Variants in ZNF629 observed in about 807,000 individuals in gnomAD.
ZNF629 encodes zinc finger protein 629.
A neutral mutation model predicts 59.7 loss-of-function variants in ZNF629; 9 were observed. That is an observed-to-expected ratio of 0.15 (90% CI 0.09 to 0.26). The LOEUF (loss-of-function observed/expected upper bound fraction) is 0.26, where lower values mean the gene tolerates loss of function less well. ZNF629 is among the 10% of genes least tolerant of loss of function. The pLI is 1.00. For missense variants in ZNF629, 853 were observed against 1,165.4 expected, an observed-to-expected ratio of 0.73 and a Z score of 3.90; for synonymous variants, 509 against 498.9, an observed-to-expected ratio of 1.02 and a Z score of -0.27.
Position 30,786,472 on chromosome 16 carries a change from G to C in ZNF629, c.-34+556C>G, listed in dbSNP as rs2054332946. Among the ~76,000 whole-genome samples the C allele has an allele frequency of 6.6e-6, 1 of 152,200 alleles. No homozygotes were observed. The highest frequency in any genetic ancestry group is 6.5e-5 in the Admixed American group (1 of 15,286). On this transcript the variant is annotated intron_variant, in intron 1 of 2. Transcript: ENST00000262525. This position sits in a 1 kb window ranked among gnomAD's most constrained non-coding sequence, Gnocchi z 4.8. Reference sequence around the variant, plus strand: ...AGACCGAGGGAGGCCGAGGCGCTGGGAGCCCAGGCGCCAGGCACGCCAGCC... The same window carrying C: ...AGACCGAGGGAGGCCGAGGCGCTGGCAGCCCAGGCGCCAGGCACGCCAGCC...
rs890443704 is a variant in ZNF629 at position 30,786,916 on chromosome 16, G to T, written c.-34+112C>A. On this transcript the variant is annotated intron_variant, in intron 1 of 2. Transcript: ENST00000262525. The surrounding 1 kb of genome is among the most constrained non-coding windows in gnomAD (Gnocchi z 4.8). Reference sequence around the variant, plus strand: ...CCCGGCCACAGCCCCGGGCGCGGGTGGGGGGCTCAGGCCCGGGCTCCCGGC... The same window carrying T: ...CCCGGCCACAGCCCCGGGCGCGGGTTGGGGGCTCAGGCCCGGGCTCCCGGC... 3 of 151,806 alleles carry T rather than the reference G, an allele frequency of 2.0e-5. No homozygotes were observed. Among genetic ancestry groups the T allele is most frequent in the Non-Finnish European group, 2.9e-5 (2 of 67,882 alleles). 9.4% of individuals were successfully genotyped at this position (151,806 alleles called of 1,614,324 possible).
rs529631442 is a variant in ZNF629 at position 30,787,148 on chromosome 16, T to C, written c.-154A>G. 6.5e-6 allele frequency: 1 copy of C among 152,874 alleles called. No homozygotes were observed. The highest frequency in any genetic ancestry group is 1.5e-5 in the Non-Finnish European group (1 of 68,196). 9.5% of individuals were successfully genotyped at this position (152,874 alleles called of 1,614,324 possible). A position where few individuals can be genotyped will look rare whatever the true frequency, so the allele number is the denominator to read the frequency against. On this transcript the variant is annotated 5_prime_UTR_variant, in exon 1 of 3. Coordinates refer to ENST00000262525, the MANE Select transcript of ZNF629 (RefSeq NM_001080417.3). Reference sequence around the variant, plus strand: ...GGACTCTGGGGTCCTTCTCAAGGGGTGATTCCAGGCTGAGGACCCGGGGAC... The same window carrying C: ...GGACTCTGGGGTCCTTCTCAAGGGGCGATTCCAGGCTGAGGACCCGGGGAC...
chr16:30,784,226 G>C lies in ZNF629; in HGVS notation c.102C>G (p.Ser34Arg), dbSNP rs1268550604. 5.6e-6 allele frequency: 9 copies of C among 1,605,264 alleles called. No homozygotes were observed. The highest frequency in any genetic ancestry group is 6.8e-6 in the Non-Finnish European group (8 of 1,178,146). ...CCTCCCCAGAACTTTCCTGCCGAGG[G>C]CTCTCCTCTTCGTTTTCACTCTCGG... ...RGAESENEEE[S>R]PRQESSGEEI... Residue 34 changes from serine to arginine, a missense_variant, in exon 3 of 3, where the codon AGC (serine) becomes AGG (arginine). Around this residue, in one of 3 missense-constraint regions of ZNF629, gnomAD observed 232 missense variants for 193.4 expected, o/e 1.20. Transcript: ENST00000262525.
intron 1 of ZNF629, among the ~76,000 whole-genome samples, chr16:30,785,880 A>AAATAAATAAATG (rs1376703116): frequency 6.6e-6 from 1 of 151,560 alleles, no homozygotes; most frequent in African/African-American, 2.4e-5. Flanking sequence ...ATAAATAAAT[A>AAATAAATAAATG]AATAAATAAA....
At chr16:30,784,794 G>T (rs2054318035) in intron 1 of ZNF629, among the ~76,000 whole-genome samples, 1 of 152,140 alleles carries the variant, frequency 6.6e-6, no homozygotes, top group African/African-American at 2.4e-5. Context: ...CCCAGGATGG[G>T]GGCTGGAGCG....
Position 30,782,892 on chromosome 16 carries a change from G to A in ZNF629, c.1436C>T (p.Thr479Met). The A allele has an allele frequency of 6.2e-7, 1 of 1,613,892 alleles. No individual in the cohort carries two copies. The highest frequency in any genetic ancestry group is 8.5e-7 in the Non-Finnish European group (1 of 1,179,930). ...CTTGTAGGGCTTCTCGCCGGTGTGC[G>A]TGCGGCGGTGCTGGATAAGGTGGGA... is the stretch of plus-strand genomic sequence containing the variant. The part of the protein sequence containing the change: ...RSSHLIQHRR[T>M]HTGEKPYKCP... The change falls in exon 3 of 3, where the codon ACG (threonine) becomes ATG (methionine). Residue 479 changes from threonine to methionine, a missense_variant. This residue lies in a region of ZNF629 where 201 missense variants were observed against 536.5 expected (regional missense o/e 0.37). Coordinates refer to ENST00000262525, the MANE Select transcript of ZNF629 (RefSeq NM_001080417.3).
At position 30,782,113 on chromosome 16, in the gene ZNF629, C is replaced by T. The variant is rs569167327; in HGVS notation, c.2215G>A (p.Gly739Arg). ...TCTGGACTCTTCTGGGAGCTCTTCC[C>T]GCCTGCATGGACTTTCTGGTGCAGC... ...LLLHQKVHAG[G>R]KSSQKSPELG... Residue 739 changes from glycine to arginine, a missense_variant, in exon 3 of 3, where the codon GGG (glycine) becomes AGG (arginine). This residue lies in a region of ZNF629 where 420 missense variants were observed against 435.6 expected (regional missense o/e 0.96). Transcript: ENST00000262525. 3.7e-6 allele frequency: 6 copies of T among 1,607,458 alleles called. No homozygotes were observed. The African/African-American group carries it at 5.4e-5, about 14-fold the overall frequency.
rs757045356 is a variant in ZNF629, at chr16:30,782,807, C to A, written c.1521G>T (p.Thr507=). ...QSSNLITHVR[T]HMDENLFVCS... ...ACACGAACAGGTTCTCGTCCATGTG[C>A]GTGCGGACGTGGGTAATAAGGTTGG... The change falls in exon 3 of 3, where the codon ACG becomes ACT. Residue 507 remains threonine, a synonymous_variant. Coordinates refer to ENST00000262525, the MANE Select transcript of ZNF629 (RefSeq NM_001080417.3). The A allele has an allele frequency of 1.2e-6, 2 of 1,614,036 alleles. No homozygotes were observed. The highest frequency in any genetic ancestry group is 1.1e-5 in the South Asian group (1 of 91,084).
In ZNF629 at chr16:30,783,161, C is replaced by T; in HGVS notation, c.1167G>A (p.Leu389=). ...CGKTFTLSAT[L]LRHQRTHTGE... ...CCGTGTGCGTGCGCTGGTGCCGCAGCAACGTGGCGCTCAGGGTGAAGGTCT... is the reference window on the plus strand; with the variant it reads ...CCGTGTGCGTGCGCTGGTGCCGCAGTAACGTGGCGCTCAGGGTGAAGGTCT... The change falls in exon 3 of 3, where the codon TTG becomes TTA. Residue 389 remains leucine (L), a synonymous_variant. Transcript: ENST00000262525. 6.2e-7 allele frequency: 1 copy of T among 1,612,552 alleles called. No homozygotes were observed. Among genetic ancestry groups the T allele is most frequent in the Non-Finnish European group, 8.5e-7 (1 of 1,179,554 alleles).
At position 30,783,974 on chromosome 16, in the gene ZNF629, A is replaced by C. The variant is rs200239787; in HGVS notation, c.354T>G (p.Ala118=). The C allele has an allele frequency of 8.1e-4, 1,282 of 1,579,536 alleles. 6 individuals are homozygous for C. The African/African-American group carries it at 0.015, about 19-fold the overall frequency. ...KACEASWQWG[A]LTTWNSPPVV... is the part of the protein sequence containing the mutation. The stretch of plus-strand genomic sequence containing the variant: ...CTGGGGGGCTGTTCCATGTGGTGAG[A>C]GCGCCCCACTGCCAGCTGGCCTCGC... The change falls in exon 3 of 3, where the codon GCT becomes GCG. Residue 118 remains alanine, a synonymous_variant. Coordinates refer to ENST00000262525, the MANE Select transcript of ZNF629 (RefSeq NM_001080417.3).
rs1158444061 is a variant in ZNF629 at position 30,784,267 on chromosome 16, A to G, written c.74-13T>C. 2.5e-6 allele frequency: 4 copies of G among 1,588,640 alleles called. No homozygotes were observed. Among genetic ancestry groups the G allele is most frequent in the Non-Finnish European group, 3.4e-6 (4 of 1,172,436 alleles). On this transcript the variant is annotated splice_polypyrimidine_tract_variant and intron_variant, in intron 2 of 2. Transcript: ENST00000262525. Reference sequence around the variant, plus strand: ...TCACTCTCGGCACCTACAGAAAGAAAGGGAGTCTACAGCCCCCAGCCCCTT... The same window carrying G: ...TCACTCTCGGCACCTACAGAAAGAAGGGGAGTCTACAGCCCCCAGCCCCTT...
chr16:30,782,570 T>G lies in ZNF629; in HGVS notation c.1758A>C (p.Gln586His). The G allele has an allele frequency of 6.4e-7, 1 of 1,561,152 alleles. No homozygotes were observed. The highest frequency in any genetic ancestry group is 8.7e-7 in the Non-Finnish European group (1 of 1,151,976). The change falls in exon 3 of 3, where the codon CAA becomes CAC. Residue 586 changes from glutamine (Q) to histidine (H), a missense_variant. This residue lies in a region of ZNF629 where 420 missense variants were observed against 435.6 expected (regional missense o/e 0.96). Transcript: ENST00000262525. The stretch of plus-strand genomic sequence containing the variant: ...TTTCTCCGATGTGGATCCTCTGATG[T>G]TGCATGAAGATGCCCTCGTCGTTGA... The part of the protein sequence containing the change: ...KGFNDEGIFM[Q>H]HQRIHIGENP...
In ZNF629 at chr16:30,784,004, C is replaced by T; in HGVS notation, c.324G>A (p.Lys108=). Residue 108 remains lysine, a synonymous_variant, in exon 3 of 3, where the codon AAG becomes AAA. Coordinates refer to ENST00000262525, the MANE Select transcript of ZNF629 (RefSeq NM_001080417.3). Reference sequence around the variant, plus strand: ...CCCACTGCCAGCTGGCCTCGCAGGCCTTGGTCCAGTCAGATGGGGTAGGGA... The same window carrying T: ...CCCACTGCCAGCTGGCCTCGCAGGCTTTGGTCCAGTCAGATGGGGTAGGGA... ...EVVPTPSDWT[K]ACEASWQWGA... 1 of 1,574,646 alleles carries T rather than the reference C, an allele frequency of 6.4e-7. No individual in the cohort carries two copies. The highest frequency in any genetic ancestry group is 8.6e-7 in the Non-Finnish European group (1 of 1,161,216).
rs1161653681 is a variant in ZNF629, at chr16:30,786,720, G to A, written c.-34+308C>T. On this transcript the variant is annotated intron_variant, in intron 1 of 2. Coordinates refer to ENST00000262525, the MANE Select transcript of ZNF629 (RefSeq NM_001080417.3). The surrounding 1 kb of genome is among the most constrained non-coding windows in gnomAD (Gnocchi z 4.8). Reference sequence around the variant, plus strand: ...GGCATCCGCCCCTGCCCCGGCCCCCGGGGTCCCGGCTCCTTCCAGCACTGC... The same window carrying A: ...GGCATCCGCCCCTGCCCCGGCCCCCAGGGTCCCGGCTCCTTCCAGCACTGC... Among the ~76,000 whole-genome samples, 2 of 132,638 alleles carry A rather than the reference G, an allele frequency of 1.5e-5. No homozygotes were observed. Among genetic ancestry groups the A allele is most frequent in the Non-Finnish European group, 3.1e-5 (2 of 64,326 alleles). 87.0% of individuals were successfully genotyped at this position (132,638 alleles called of 152,430 possible).
In ZNF629 at chr16:30,779,140, C is replaced by T. The variant is rs1444743771; in HGVS notation, c.*2578G>A. On this transcript the variant is annotated 3_prime_UTR_variant, in exon 3 of 3. Transcript: ENST00000262525. ...AACTGTGCGCTCACATCATCCATCC[C>T]GTACAAGAGCCAAGCCCCTTAGCCC... 1.3e-5 allele frequency: 2 copies of T among 152,318 alleles called. No homozygotes were observed. Among genetic ancestry groups the T allele is most frequent in the African/African-American group, 4.8e-5 (2 of 41,426 alleles). The allele number at this position is 152,318 out of a possible 1,614,324, so 9.4% of individuals were successfully genotyped here.
Position 30,781,812 on chromosome 16 carries a change from T to C in ZNF629, c.2516A>G (p.Glu839Gly). ...ACACTCGGGGCACAGATAGGGCTTTTCTTCCACTAGGGTTTTGGGGTTTTG... is the reference window on the plus strand; with the variant it reads ...ACACTCGGGGCACAGATAGGGCTTTCCTTCCACTAGGGTTTTGGGGTTTTG... ...EGQNPKTLVEEKPYLCPECGA... is the reference protein window; with the variant it reads ...EGQNPKTLVEGKPYLCPECGA... The change falls in exon 3 of 3, where the codon GAA (glutamate) becomes GGA (glycine). Residue 839 changes from glutamate to glycine, a missense_variant. Around this residue, in one of 3 missense-constraint regions of ZNF629, gnomAD observed 420 missense variants for 435.6 expected, o/e 0.96. Coordinates refer to ENST00000262525, the MANE Select transcript of ZNF629 (RefSeq NM_001080417.3). The C allele has an allele frequency of 5.0e-6, 8 of 1,610,096 alleles. No individual in the cohort carries two copies. Among genetic ancestry groups the C allele is most frequent in the Non-Finnish European group, 6.8e-6 (8 of 1,177,842 alleles).
chr16:30,783,028 C>T lies in ZNF629; in HGVS notation c.1300G>A (p.Asp434Asn), dbSNP rs550836587. 1 of 1,614,066 alleles carries T rather than the reference C, an allele frequency of 6.2e-7. No homozygotes were observed. The highest frequency in any genetic ancestry group is 2.2e-5 in the East Asian group (1 of 44,878). The change falls in exon 3 of 3, where the codon GAC becomes AAC. Residue 434 changes from aspartate to asparagine, a missense_variant. Physicochemically the swap from Asp to Asn is conservative, Grantham distance 23. Coordinates refer to ENST00000262525, the MANE Select transcript of ZNF629 (RefSeq NM_001080417.3). ...CTCATGATGAAGCTCTTGCCGCAGTCGGCGCAGATGTAGGGCCGCTCGCCG... is the reference window on the plus strand; with the variant it reads ...CTCATGATGAAGCTCTTGCCGCAGTTGGCGCAGATGTAGGGCCGCTCGCCG... The part of the protein sequence containing the change: ...HRGERPYICA[D>N]CGKSFIMSST...
rs749124684 is a variant in ZNF629, at chr16:30,784,228, TCTC to T, written c.97_99del (p.Glu33del). On this transcript the variant is annotated inframe_deletion, in exon 3 of 3. Transcript: ENST00000262525. Reference sequence around the variant, plus strand: ...TCCCCAGAACTTTCCTGCCGAGGGCTCTCCTCTTCGTTTTCACTCTCGGCACCT... The same window carrying T: ...TCCCCAGAACTTTCCTGCCGAGGGCTCTCTTCGTTTTCACTCTCGGCACCT... 6 of 1,604,778 alleles carry T rather than the reference TCTC, an allele frequency of 3.7e-6. No homozygotes were observed. The highest frequency in any genetic ancestry group is 5.1e-6 in the Non-Finnish European group (6 of 1,178,090).
Position 30,782,033 on chromosome 16 carries a change from G to A in ZNF629, c.2295C>T (p.Ala765=). The change falls in exon 3 of 3, where the codon GCC becomes GCT. Residue 765 remains alanine (A), a synonymous_variant. Transcript: ENST00000262525. ...TGCAATCTGAGCAGCGGTAGGGTCT[G>A]GCCCCCAGGGGGCTCCTGAGATGCT... ...LLEHLRSPLG[A]RPYRCSDCRA... The A allele has an allele frequency of 3.2e-6, 5 of 1,573,734 alleles. No homozygotes were observed. The highest frequency in any genetic ancestry group is 4.3e-6 in the Non-Finnish European group (5 of 1,159,634).
Sources: gnomAD v4.1 joint callset for allele counts (sites outside exome capture counted in the v4.1 genomes callset) on GRCh38, gnomAD v4.1.1 for gene constraint, gnomAD v4.1.1 regional missense constraint, Gnocchi (gnomAD v3.1) non-coding constraint, MANE v1.5 for transcripts, NCBI Gene and HGNC (gene_info 2026-07-23, HGNC 2026-07-21) for gene names.